Variants in RNF115 observed in about 807,000 individuals in gnomAD.
RNF115 encodes the protein ring finger protein 115, also known as E3 ubiquitin-protein ligase RNF115.
Under a neutral mutation model 39.2 loss-of-function variants are expected in RNF115, and 31 were observed. That is an observed-to-expected ratio of 0.79 (90% confidence interval 0.59 to 1.07). The LOEUF (loss-of-function observed/expected upper bound fraction) is 1.07, where lower values mean the gene tolerates loss of function less well. Ranked by LOEUF, RNF115 falls within the 50% of genes least tolerant of loss-of-function variation. The pLI, the probability that RNF115 is intolerant of heterozygous loss-of-function variation, is 0.00. For missense variants in RNF115, 384 were observed against 381.7 expected, an observed-to-expected ratio of 1.01 and a Z score of -0.05; for synonymous variants, 124 against 131.0, an observed-to-expected ratio of 0.95 and a Z score of 0.37.
chr1:145,747,020 T>C (rs376862175), intron 8 of RNF115, 23 bp from the exon 9 acceptor site: 33 of 1,598,674 alleles, frequency 2.1e-5, no homozygotes, highest in Non-Finnish European at 2.7e-5. Context: ...AATATTAGTC[T>C]ATGTGAAGAT....
intron 1 of RNF115, among the ~76,000 whole-genome samples, chr1:145,789,514 T>G (rs1339866105): frequency 3.3e-5 from 5 of 151,780 alleles, no homozygotes; most frequent in Non-Finnish European, 5.9e-5. Context: ...TTCTCCTGCC[T>G]CAGCCTCCCA....
intron 1 of RNF115, among the ~76,000 whole-genome samples, chr1:145,801,857 G>A (rs1330555484): frequency 5.3e-5 from 8 of 151,810 alleles, no homozygotes; most frequent in Non-Finnish European, 8.8e-5. Context: ...GCACCATCTC[G>A]GCTCACTGCA....
At chr1:145,774,196 T>C (rs1245682696) in intron 3 of RNF115, among the ~76,000 whole-genome samples, 2 of 152,116 alleles carry the variant, frequency 1.3e-5, no homozygotes, top group African/African-American at 4.8e-5. Flanking sequence ...CACCCTGTCA[T>C]TGTGGTTTTA....
chr1:145,763,718 A>G (rs1658624395), intron 4 of RNF115, among the ~76,000 whole-genome samples: 1 of 152,126 alleles, frequency 6.6e-6, no homozygotes, highest in South Asian at 2.1e-4. Flanking sequence ...AAACAAAACA[A>G]AAACAACAAA....
Position 145,742,554 on chromosome 1 carries a change from T to G in RNF115, c.*4312A>C, listed in dbSNP as rs994758339. On this transcript the variant is annotated 3_prime_UTR_variant, in exon 9 of 9. Coordinates refer to ENST00000582693, the MANE Select transcript of RNF115 (RefSeq NM_014455.4). ...AGGGAAACAAAGACCCTAAAGGTTA[T>G]GTACAATGAGAGAATCAGACTGTGA... The G allele has an allele frequency of 6.6e-6, 1 of 152,254 alleles. No homozygotes were observed. Among genetic ancestry groups the G allele is most frequent in the African/African-American group, 2.4e-5 (1 of 41,448 alleles). The allele number at this position is 152,254 out of a possible 1,614,324, so 9.4% of individuals were successfully genotyped here. A position where few individuals can be genotyped will look rare whatever the true frequency, so the allele number is the denominator to read the frequency against.
chr1:145,779,820 A>C (rs1362003883), intron 3 of RNF115, among the ~76,000 whole-genome samples: 1 of 151,452 alleles, frequency 6.6e-6, no homozygotes. Flanking sequence ...CCGCCACCAC[A>C]CCTGGCTAAT....
rs1184700812 is a variant in RNF115 at position 145,742,628 on chromosome 1, C to G, written c.*4238G>C. On this transcript the variant is annotated 3_prime_UTR_variant, in exon 9 of 9. Transcript: ENST00000582693. ...CTGCTCACTTTACCTCAGTGCACACCATATCCCTTCTTCCTCCATTGTGAA... is the reference window on the plus strand; with the variant it reads ...CTGCTCACTTTACCTCAGTGCACACGATATCCCTTCTTCCTCCATTGTGAA... The G allele has an allele frequency of 6.6e-6, 1 of 152,224 alleles. No homozygotes were observed. Among genetic ancestry groups the G allele is most frequent in the Non-Finnish European group, 1.5e-5 (1 of 68,066 alleles). 9.4% of individuals were successfully genotyped at this position (152,224 alleles called of 1,614,324 possible).
intron 4 of RNF115, among the ~76,000 whole-genome samples, chr1:145,768,221 G>T (rs1647466598): frequency 1.3e-5 from 2 of 152,260 alleles, no homozygotes; most frequent in African/African-American, 4.8e-5. Flanking sequence ...GCTCACAGGA[G>T]ATGCCCCTTG....
intron 1 of RNF115, among the ~76,000 whole-genome samples, chr1:145,798,200 T>C (rs1649070905): frequency 6.6e-6 from 1 of 152,214 alleles, no homozygotes; most frequent in South Asian, 2.1e-4. Context: ...TGGTGTCATA[T>C]GCCAGAAATC....
At chr1:145,768,869 A>C (rs1208177088) in intron 4 of RNF115, among the ~76,000 whole-genome samples, 2 of 152,222 alleles carry the variant, frequency 1.3e-5, no homozygotes, top group African/African-American at 4.8e-5. Flanking sequence ...GGAACAATCT[A>C]GGCAGGCCTG....
At chr1:145,818,007 G>A (rs587662212) in intron 1 of RNF115, among the ~76,000 whole-genome samples, 27 of 146,368 alleles carry the variant, frequency 1.8e-4, no homozygotes, top group African/African-American at 7.0e-4. Flanking sequence ...CACCACTGAT[G>A]GGCATCTAGG....
Position 145,746,663 on chromosome 1 carries a change from G to A in RNF115, c.*203C>T. 1.9e-6 allele frequency: 1 copy of A among 540,376 alleles called. No individual in the cohort carries two copies. Among genetic ancestry groups the A allele is most frequent in the East Asian group, 3.1e-5 (1 of 32,332 alleles). The allele number at this position is 540,376 out of a possible 1,614,324, so 33.5% of individuals were successfully genotyped here. ...ATAAAATTATCACTCTGAATTCAGG[G>A]ATAAGAGGCATTTGGTTGTAGATAC... On this transcript the variant is annotated 3_prime_UTR_variant, in exon 9 of 9. Coordinates refer to ENST00000582693, the MANE Select transcript of RNF115 (RefSeq NM_014455.4).
chr1:145,805,278 TAAC>T (rs1441540784), intron 1 of RNF115, among the ~76,000 whole-genome samples: 1 of 152,184 alleles, frequency 6.6e-6, no homozygotes, highest in African/African-American at 2.4e-5. Flanking sequence ...AACTGGTTGT[TAAC>T]AGTAGCCACT....
chr1:145,753,375 G>A (rs587700509), intron 4 of RNF115, among the ~76,000 whole-genome samples: 4 of 152,112 alleles, frequency 2.6e-5, no homozygotes, highest in Non-Finnish European at 4.4e-5. Context: ...AAGGGATGCC[G>A]AGCCAGTGGA....
intron 1 of RNF115, among the ~76,000 whole-genome samples, chr1:145,802,206 CT>C (rs761718977): frequency 1.8e-4 from 28 of 152,238 alleles, no homozygotes; most frequent in Non-Finnish European, 4.0e-4. Flanking sequence ...TGCTTTCCCC[CT>C]AGGCTCTAAA....
intron 4 of RNF115, among the ~76,000 whole-genome samples, chr1:145,765,185 G>A (rs1398415537): frequency 6.6e-6 from 1 of 152,184 alleles, no homozygotes; most frequent in Non-Finnish European, 1.5e-5. Flanking sequence ...TAAGGGCGGT[G>A]CAAGATGTGC....
chr1:145,813,520 TTTA>T (rs1553723000), intron 1 of RNF115, among the ~76,000 whole-genome samples: 1 of 152,142 alleles, frequency 6.6e-6, no homozygotes, highest in African/African-American at 2.4e-5. Flanking sequence ...ATAGTTTTCT[TTTA>T]TAAGTTGCCC....
In RNF115 at chr1:145,748,107, A is replaced by C; in HGVS notation, c.671T>G (p.Met224Arg). The C allele has an allele frequency of 1.2e-6, 2 of 1,607,528 alleles. No homozygotes were observed. The highest frequency in any genetic ancestry group is 1.7e-6 in the Non-Finnish European group (2 of 1,174,474). Residue 224 changes from methionine to arginine, a missense_variant, in exon 8 of 9, where the codon ATG (methionine) becomes AGG (arginine). Transcript: ENST00000582693. ...TVTVTQEQVD[M>R]GLECPVCKED... ...TTTGCATACTGGACACTCTAAACCC[A>C]TATCTGTTGAAGAAGGAAATGCCTT...
intron 1 of RNF115, among the ~76,000 whole-genome samples, chr1:145,812,309 C>G (rs1480235518): frequency 2.7e-5 from 4 of 150,128 alleles, no homozygotes; most frequent in African/African-American, 7.3e-5. Flanking sequence ...GACACTTGTT[C>G]AAATTATCAA....
Sources: allele counts gnomAD v4.1 joint callset (sites outside exome capture counted in the v4.1 genomes callset), GRCh38; gene constraint gnomAD v4.1.1; transcripts MANE v1.5; gene names NCBI Gene and HGNC (gene_info 2026-07-23, HGNC 2026-07-21).